Variants in STXBP3 observed in about 807,000 individuals in gnomAD.
STXBP3 encodes syntaxin-binding protein 3.
A neutral mutation model predicts 85.7 loss-of-function variants in STXBP3; 41 were observed. The ratio of observed to expected loss-of-function variants is 0.48; its 90% confidence interval spans 0.37 to 0.62. STXBP3 has a LOEUF of 0.62. STXBP3 is among the 20% of genes least tolerant of loss of function. STXBP3 has a pLI of 0.00. For synonymous variants in STXBP3, 229 were observed against 231.7 expected (o/e 0.99, Z 0.10); for missense variants, 563 against 703.1 (o/e 0.80, Z 2.25).
At chr1:108,777,875 A>G (rs1346401933) in intron 8 of STXBP3, among the ~76,000 whole-genome samples, 2 of 152,058 alleles carry the variant, frequency 1.3e-5, no homozygotes, top group East Asian at 1.9e-4. Flanking sequence ...TTTCCTGTTT[A>G]TATTTCTGAA....
At chr1:108,753,353 TA>T (rs908612016) in intron 3 of STXBP3, among the ~76,000 whole-genome samples, 1 of 151,926 alleles carries the variant, frequency 6.6e-6, no homozygotes, top group African/African-American at 2.4e-5. Context: ...TAACCAAGCC[TA>T]ACTTAATTGC....
At chr1:108,779,188 G>T in intron 8 of STXBP3, 98 bp from the exon 9 acceptor site, 2 of 1,321,354 alleles carry the variant, frequency 1.5e-6, no homozygotes, top group South Asian at 1.7e-5. Context: ...AAAAGGGACA[G>T]AACTTAGGAA....
At chr1:108,782,863 TAAC>T (rs1272094013) in intron 11 of STXBP3, among the ~76,000 whole-genome samples, 157 bp downstream of exon 11, 3 of 152,232 alleles carry the variant, frequency 2.0e-5, no homozygotes, top group South Asian at 2.1e-4. Flanking sequence ...TTTCAATAGT[TAAC>T]AACATTTTTG....
chr1:108,790,966 A>G (rs1184734752), intron 11 of STXBP3, among the ~76,000 whole-genome samples: 1 of 152,196 alleles, frequency 6.6e-6, no homozygotes, highest in Non-Finnish European at 1.5e-5. Flanking sequence ...AACACTCAGT[A>G]GACTTTTATT....
intron 5 of STXBP3, among the ~76,000 whole-genome samples, chr1:108,758,894 GC>G (rs1662072816): frequency 6.6e-6 from 1 of 152,204 alleles, no homozygotes; most frequent in African/African-American, 2.4e-5. Flanking sequence ...GAGAGGGCTA[GC>G]CCTCAAATCC....
intron 11 of STXBP3, among the ~76,000 whole-genome samples, chr1:108,787,850 T>A (rs1477458756): frequency 6.6e-6 from 1 of 152,030 alleles, no homozygotes; most frequent in Non-Finnish European, 1.5e-5. Context: ...AGTGCAGTGG[T>A]GCAGTCTCAA....
At chr1:108,765,895 C>T (rs540251997) in intron 6 of STXBP3, among the ~76,000 whole-genome samples, 2 of 145,548 alleles carry the variant, frequency 1.4e-5, no homozygotes, top group East Asian at 4.0e-4. Flanking sequence ...ACTCTGTCAC[C>T]AGGCTGGAGT....
intron 11 of STXBP3, among the ~76,000 whole-genome samples, chr1:108,785,657 A>G (rs1019186080): frequency 6.6e-5 from 10 of 152,282 alleles, no homozygotes; most frequent in Middle Eastern, 6.8e-3. Flanking sequence ...GGGTTTTTCT[A>G]TCATATCGTC....
intron 17 of STXBP3, among the ~76,000 whole-genome samples, chr1:108,803,917 A>G (rs1421788330): frequency 2.0e-5 from 3 of 152,128 alleles, no homozygotes; most frequent in African/African-American, 7.2e-5. Flanking sequence ...CCAGGGTTCT[A>G]CTTTAGCTCT....
At chr1:108,758,447 A>G (rs1662064213) in intron 4 of STXBP3, 63 bp from the exon 5 acceptor site, 3 of 835,278 alleles carry the variant, frequency 3.6e-6, no homozygotes, top group Non-Finnish European at 5.3e-6. Context: ...TAGTCATTTC[A>G]AAAGGTAACA....
chr1:108,774,053 C>T (rs550093387), intron 7 of STXBP3, among the ~76,000 whole-genome samples: 2 of 152,140 alleles, frequency 1.3e-5, no homozygotes, highest in Non-Finnish European at 2.9e-5. Flanking sequence ...TACCATCTGA[C>T]TTTTAACACA....
In STXBP3 at chr1:108,807,496, T is replaced by C. The variant is rs1052127285; in HGVS notation, c.1631T>C (p.Val544Ala). 1.2e-6 allele frequency: 2 copies of C among 1,613,498 alleles called. No individual in the cohort carries two copies. The highest frequency in any genetic ancestry group is 1.7e-6 in the Non-Finnish European group (2 of 1,179,844). Residue 544 changes from valine (V) to alanine (A), a missense_variant, in exon 18 of 19, where the codon GTG (valine) becomes GCG (alanine). Physicochemically the swap from Val to Ala is moderately conservative, Grantham distance 64. Coordinates refer to ENST00000370008, the MANE Select transcript of STXBP3 (RefSeq NM_007269.4). ...FVIGGITYSE[V>A]RCAYEVSQAH... ...ATTGGAGGGATCACATACTCTGAAG[T>C]GCGTTGTGCTTATGAAGTTTCTCAG...
intron 17 of STXBP3, among the ~76,000 whole-genome samples, chr1:108,805,783 C>T (rs1663318621): frequency 6.6e-6 from 1 of 152,144 alleles, no homozygotes; most frequent in East Asian, 1.9e-4. Context: ...TGTAAGTCCA[C>T]CTACTTGAGG....
intron 1 of STXBP3, among the ~76,000 whole-genome samples, chr1:108,748,229 CAGAAA>C (rs1364238802): frequency 2.0e-5 from 3 of 151,910 alleles, no homozygotes; most frequent in Non-Finnish European, 4.4e-5. Flanking sequence ...ATTTTGATAG[CAGAAA>C]AGAAAAGAAA....
chr1:108,751,577 C>T (rs1345545290), intron 1 of STXBP3, among the ~76,000 whole-genome samples: 5 of 151,696 alleles, frequency 3.3e-5, no homozygotes, highest in African/African-American at 1.2e-4. Flanking sequence ...TGTATTACTA[C>T]CGATTTTAAA....
At chr1:108,795,692 C>T (rs1021187495) in intron 13 of STXBP3, among the ~76,000 whole-genome samples, 1 of 152,072 alleles carries the variant, frequency 6.6e-6, no homozygotes, top group Non-Finnish European at 1.5e-5. Flanking sequence ...GGCTAGTGGC[C>T]ACAGTACTGG....
chr1:108,775,272 CTCTT>C (rs1382498640), intron 7 of STXBP3, among the ~76,000 whole-genome samples: 1 of 151,962 alleles, frequency 6.6e-6, no homozygotes, highest in African/African-American at 2.4e-5. Flanking sequence ...CTTTCTCTCT[CTCTT>C]TTTTCTTAAA....
At chr1:108,769,263 G>A (rs150502142) in intron 6 of STXBP3, among the ~76,000 whole-genome samples, 212 of 152,246 alleles carry the variant, frequency 1.4e-3, no homozygotes, top group African/African-American at 4.9e-3. Flanking sequence ...GGTGGAGGAA[G>A]CGGAGGGATT....
chr1:108,782,776 T>A, intron 11 of STXBP3, 70 bp downstream of exon 11: 1 of 1,391,346 alleles, frequency 7.2e-7, no homozygotes. Context: ...AATCTTTATT[T>A]TATTTCTGTA....
Sources: allele counts gnomAD v4.1 joint callset (sites outside exome capture counted in the v4.1 genomes callset), GRCh38; gene constraint gnomAD v4.1.1; transcripts MANE v1.5; gene names NCBI Gene and HGNC (gene_info 2026-07-23, HGNC 2026-07-21).